Variants in FBXO34 observed in about 807,000 individuals in gnomAD.
FBXO34 encodes F-box protein 34.
A neutral mutation model predicts 24.5 loss-of-function variants in FBXO34; 12 were observed. The observed-to-expected ratio is 0.49, with a 90% CI of 0.31 to 0.79. The LOEUF (loss-of-function observed/expected upper bound fraction) is 0.79, where lower values mean the gene tolerates loss of function less well. FBXO34 is among the 30% of genes least tolerant of loss of function. The probability of loss-of-function intolerance (pLI) is 0.04; values close to 1 mark genes in which losing one functional copy is unlikely to be tolerated. For missense variants in FBXO34, 823 were observed against 857.7 expected (o/e 0.96, Z 0.51); for synonymous variants, 320 against 311.9 (o/e 1.03, Z -0.27).
chr14:55,441,098 G>C, the FBXO34 span, among the ~76,000 whole-genome samples: 1 of 152,072 alleles, frequency 6.6e-6, no homozygotes, highest in South Asian at 2.1e-4. Context: ...CACCCGCCTC[G>C]GCCTCCCAAA....
chr14:55,391,068 C>T, the FBXO34 span: 1 of 951,794 alleles, frequency 1.1e-6, no homozygotes, highest in Non-Finnish European at 1.6e-6. Context: ...GGGATCACTG[C>T]TTATTTTCAG....
intron 1 of FBXO34, among the ~76,000 whole-genome samples, chr14:55,278,111 G>C (rs1881405056): frequency 6.6e-6 from 1 of 152,040 alleles, no homozygotes; most frequent in Non-Finnish European, 1.5e-5. Flanking sequence ...TGTTGTTTCT[G>C]TTCTCTGTAT....
chr14:55,437,590 A>G, the FBXO34 span, among the ~76,000 whole-genome samples: 1 of 152,246 alleles, frequency 6.6e-6, no homozygotes, highest in Non-Finnish European at 1.5e-5. Flanking sequence ...TTAGATCTCT[A>G]GTAAGTTGCC....
chr14:55,428,723 C>A, the FBXO34 span: 1 of 1,370,624 alleles, frequency 7.3e-7, no homozygotes, highest in Non-Finnish European at 9.9e-7. Flanking sequence ...CACAATTTCT[C>A]TGAAAGATAC....
chr14:55,322,901 C>T (rs566334599), intron 1 of FBXO34, among the ~76,000 whole-genome samples: 40 of 149,688 alleles, frequency 2.7e-4, no homozygotes, highest in African/African-American at 8.6e-4. Flanking sequence ...TGGCCGGGCA[C>T]GGTGGCTCAC....
chr14:55,294,377 T>C lies in FBXO34; in HGVS notation c.-11+22840T>C, dbSNP rs766362030. On this transcript the variant is annotated intron_variant, in intron 1 of 1. Transcript: ENST00000313833. The stretch of plus-strand genomic sequence containing the variant: ...TGGTGTGAACACTGCAGTCTTGACC[T>C]CCCAAGTTCAAGTGATCCTCTGACT... Among the ~76,000 whole-genome samples the C allele has an allele frequency of 3.0e-4, 45 of 152,154 alleles. 1 individual carries two copies. Among genetic ancestry groups the C allele is most frequent in the Non-Finnish European group, 5.4e-4 (37 of 68,006 alleles).
At chr14:55,413,600 C>T in the FBXO34 span, 19 of 445,194 alleles carry the variant, frequency 4.3e-5, no homozygotes, top group East Asian at 5.0e-4. Flanking sequence ...AGCCCAGGCT[C>T]CCTCCATTGG....
the FBXO34 span, among the ~76,000 whole-genome samples, chr14:55,383,259 T>G: frequency 6.6e-6 from 1 of 151,326 alleles, no homozygotes; most frequent in African/African-American, 2.4e-5. Context: ...AGAAAGAAAA[T>G]AAACAACAGG....
rs532150147 is a variant in FBXO34 at position 55,337,404 on chromosome 14, C to T, written c.-10-12977C>T. ...CAGTATATCTGTGCATGTTCTCTTC[C>T]ATGTGTTCTGTATAGTTGTACCAGC... On this transcript the variant is annotated intron_variant, in intron 1 of 1. Transcript: ENST00000313833. Among the ~76,000 whole-genome samples the T allele has an allele frequency of 1.8e-4, 27 of 152,268 alleles. 1 individual carries two copies. In the East Asian group the frequency reaches 5.2e-3, roughly 29 times the overall value.
the FBXO34 span, among the ~76,000 whole-genome samples, chr14:55,412,962 C>G: frequency 6.6e-6 from 1 of 152,306 alleles, no homozygotes; most frequent in Non-Finnish European, 1.5e-5. Context: ...ACATCACCAT[C>G]GAAAACTGGT....
At chr14:55,422,713 C>A in the FBXO34 span, among the ~76,000 whole-genome samples, 1 of 152,172 alleles carries the variant, frequency 6.6e-6, no homozygotes, top group Non-Finnish European at 1.5e-5. Flanking sequence ...ATTAGCTGGG[C>A]ATGGTGGCAT....
At chr14:55,307,002 G>A (rs959212855) in intron 1 of FBXO34, among the ~76,000 whole-genome samples, 2 of 152,128 alleles carry the variant, frequency 1.3e-5, no homozygotes, top group Admixed American at 6.5e-5. Flanking sequence ...AGCTAATTCC[G>A]AGATTGTTTA....
chr14:55,364,727 CTTTTT>C (rs534426436), downstream of FBXO34, among the ~76,000 whole-genome samples: 243 of 130,032 alleles, frequency 1.9e-3, no homozygotes, highest in Non-Finnish European at 2.8e-3. Flanking sequence ...CAGTGCCCAA[CTTTTT>C]TTTTTTTTTT....
chr14:55,356,145 G>A (rs767664588), downstream of FBXO34, among the ~76,000 whole-genome samples: 1 of 152,202 alleles, frequency 6.6e-6, no homozygotes, highest in Non-Finnish European at 1.5e-5. Flanking sequence ...ACTTGGACTT[G>A]TCAGTACCTT....
At chr14:55,413,655 A>T in the FBXO34 span, 1 of 398,706 alleles carries the variant, frequency 2.5e-6, no homozygotes, top group Non-Finnish European at 5.0e-6. Flanking sequence ...CTTCAGTTGA[A>T]CTCAGACACC....
the FBXO34 span, chr14:55,411,941 C>T: frequency 2.2e-6 from 2 of 917,320 alleles, no homozygotes; most frequent in Non-Finnish European, 3.2e-6. Flanking sequence ...CGGACCCCTC[C>T]GCCGCCGCGT....
the FBXO34 span, among the ~76,000 whole-genome samples, chr14:55,407,802 T>C: frequency 6.6e-6 from 1 of 152,074 alleles, no homozygotes; most frequent in Non-Finnish European, 1.5e-5. Context: ...GGGGAAAAGA[T>C]GGAGGTGGGA....
At chr14:55,386,367 G>C in the FBXO34 span, among the ~76,000 whole-genome samples, 2 of 152,202 alleles carry the variant, frequency 1.3e-5, no homozygotes. Context: ...TCGAGTTTAA[G>C]TTTAGCACAG....
chr14:55,406,782 AC>A, the FBXO34 span, among the ~76,000 whole-genome samples: 1 of 152,186 alleles, frequency 6.6e-6, no homozygotes. Flanking sequence ...GGTGAAGCTG[AC>A]CTAAGCAGAC....
Sources: allele counts gnomAD v4.1 joint callset (sites outside exome capture counted in the v4.1 genomes callset), GRCh38; gene constraint gnomAD v4.1.1; transcripts MANE v1.5; gene names NCBI Gene and HGNC (gene_info 2026-07-23, HGNC 2026-07-21).